ROBO2: variants seen among roughly 807,000 people sequenced by gnomAD.
ROBO2 encodes roundabout guidance receptor 2.
In ROBO2, 53 loss-of-function variants were observed where a neutral mutation model predicts 160.8. That is an observed-to-expected ratio of 0.33 (90% confidence interval 0.26 to 0.41). ROBO2 has a LOEUF of 0.41. Among genes scored for constraint, ROBO2 ranks in the 10% least tolerant of loss-of-function variants. The probability of loss-of-function intolerance (pLI) is 1.00; values close to 1 mark genes in which losing one functional copy is unlikely to be tolerated. For synonymous variants in ROBO2, 664 were observed against 611.7 expected, an observed-to-expected ratio of 1.09 and a Z score of -1.26; for missense variants, 1,577 against 1,722.4, an observed-to-expected ratio of 0.92 and a Z score of 1.49.
chr3:76,269,751 G>A (rs1000025964), intron 2 of ROBO2, among the ~76,000 whole-genome samples: 3 of 151,944 alleles, frequency 2.0e-5, no homozygotes, highest in Admixed American at 6.6e-5. Flanking sequence ...GACCTATTTC[G>A]TATCTCTCGT....
chr3:76,532,805 G>C (rs1314615859), intron 2 of ROBO2, among the ~76,000 whole-genome samples: 1 of 152,174 alleles, frequency 6.6e-6, no homozygotes, highest in African/African-American at 2.4e-5. Flanking sequence ...CTGGAAACCT[G>C]TTCTCATGCT....
intron 2 of ROBO2, among the ~76,000 whole-genome samples, chr3:76,522,256 C>A (rs1334742622): frequency 6.6e-6 from 1 of 152,110 alleles, no homozygotes; most frequent in Non-Finnish European, 1.5e-5. Flanking sequence ...AGAAGTAAAT[C>A]TATTCTCTAC....
intron 5 of ROBO2, among the ~76,000 whole-genome samples, chr3:77,509,199 G>T (rs1014490201): frequency 2.0e-5 from 3 of 152,168 alleles, no homozygotes; most frequent in South Asian, 4.1e-4. Context: ...GCTGATGAAG[G>T]TTGCAAGGGA....
At chr3:76,464,692 C>A (rs2078272469) in intron 2 of ROBO2, among the ~76,000 whole-genome samples, 1 of 152,076 alleles carries the variant, frequency 6.6e-6, no homozygotes, top group South Asian at 2.1e-4. Flanking sequence ...AAACTAATTT[C>A]TCCCTGGAAA....
intron 2 of ROBO2, among the ~76,000 whole-genome samples, chr3:76,522,018 C>T (rs2081647698): frequency 6.6e-6 from 1 of 152,014 alleles, no homozygotes; most frequent in Non-Finnish European, 1.5e-5. Flanking sequence ...TTTTGTTTTT[C>T]AAGAATTTTG....
chr3:76,810,984 T>C (rs2597262), intron 2 of ROBO2, among the ~76,000 whole-genome samples: 21,008 of 152,120 alleles, frequency 0.14, 1,626 homozygotes, highest in East Asian at 0.24. Context: ...TAATCAGTGA[T>C]TTATCAGTTA....
chr3:76,495,746 TGAA>T (rs778865045), intron 2 of ROBO2, among the ~76,000 whole-genome samples: 37 of 152,156 alleles, frequency 2.4e-4, no homozygotes, highest in Non-Finnish European at 4.7e-4. Context: ...TCATACGTAA[TGAA>T]GAACAACTAT....
At chr3:76,218,483 G>A (rs150966382) in intron 2 of ROBO2, among the ~76,000 whole-genome samples, 11,660 of 152,040 alleles carry the variant, frequency 0.077, 623 homozygotes, top group East Asian at 0.22. Flanking sequence ...TACAAAATCA[G>A]TGTGCAAAAA....
At chr3:76,414,717 GTAAC>G (rs2075675362) in intron 2 of ROBO2, among the ~76,000 whole-genome samples, 1 of 149,636 alleles carries the variant, frequency 6.7e-6, no homozygotes, top group African/African-American at 2.5e-5. Context: ...GTATACATAT[GTAAC>G]TAACCTGCAC....
intron 1 of ROBO2, among the ~76,000 whole-genome samples, chr3:77,058,931 T>C (rs969166811): frequency 2.0e-5 from 3 of 152,232 alleles, no homozygotes; most frequent in South Asian, 2.1e-4. Flanking sequence ...TATATATTAA[T>C]TCATTAGAAT....
At chr3:77,096,742 G>T (rs1172777902) in intron 1 of ROBO2, among the ~76,000 whole-genome samples, 1 of 152,092 alleles carries the variant, frequency 6.6e-6, no homozygotes, top group East Asian at 1.9e-4. Flanking sequence ...GAGCCACCGT[G>T]CCCGGCCTCT....
intron 2 of ROBO2, among the ~76,000 whole-genome samples, chr3:76,147,545 C>G (rs1162420260): frequency 1.3e-5 from 2 of 151,890 alleles, no homozygotes; most frequent in Admixed American, 6.6e-5. Context: ...TCTTGTGAAC[C>G]ATTCAGCAAC....
At chr3:76,471,845 AAGG>A (rs1412559964) in intron 2 of ROBO2, among the ~76,000 whole-genome samples, 1 of 152,074 alleles carries the variant, frequency 6.6e-6, no homozygotes, top group South Asian at 2.1e-4. Context: ...TGATGGCAGG[AAGG>A]AGAAGTGCCA....
intron 2 of ROBO2, among the ~76,000 whole-genome samples, chr3:77,180,969 C>T (rs1217018370): frequency 6.6e-6 from 1 of 152,060 alleles, no homozygotes; most frequent in African/African-American, 2.4e-5. Flanking sequence ...AACCTAGCTG[C>T]ATTTAACTTG....
At chr3:75,914,833 A>C (rs1389264304) in intron 1 of ROBO2, among the ~76,000 whole-genome samples, 1 of 152,194 alleles carries the variant, frequency 6.6e-6, no homozygotes, top group Admixed American at 6.5e-5. Flanking sequence ...TCCTCCAGCC[A>C]TGCTATTCCT....
chr3:77,563,225 C>T (rs755025135), exon 11 of ROBO2: 3 of 1,613,522 alleles, frequency 1.9e-6, no homozygotes, highest in Non-Finnish European at 1.7e-6. Flanking sequence ...GGCCACCATC[C>T]AAACCGCAGG....
intron 1 of ROBO2, among the ~76,000 whole-genome samples, chr3:75,911,043 T>G (rs1179934664): frequency 2.6e-5 from 4 of 152,046 alleles, no homozygotes; most frequent in Non-Finnish European, 5.9e-5. Context: ...GCAATTTTTT[T>G]TTTACTGAGT....
rs144178953 is a variant in ROBO2 at position 76,650,322 on chromosome 3, G to C, written c.110-447692G>C. The stretch of plus-strand genomic sequence containing the variant: ...AGAACATTGCATCACTTTGGGAGGA[G>C]ACAGCGTGCCTTCGTTCTTTCCCTT... On this transcript the variant is annotated intron_variant, in intron 2 of 26. Coordinates refer to the ROBO2 transcript ENST00000487694. Among the ~76,000 whole-genome samples the C allele has an allele frequency of 2.8e-3, 430 of 152,192 alleles. 1 individual carries two copies. Among genetic ancestry groups the C allele is most frequent in the African/African-American group, 9.6e-3 (399 of 41,534 alleles).
chr3:77,431,164 G>A (rs971262429), intron 2 of ROBO2, among the ~76,000 whole-genome samples: 7 of 152,162 alleles, frequency 4.6e-5, no homozygotes, highest in Admixed American at 3.3e-4. Context: ...AGTTTCAGCC[G>A]GAGCTGGTTT....
Sources: allele counts gnomAD v4.1 joint callset (sites outside exome capture counted in the v4.1 genomes callset), GRCh38; gene constraint gnomAD v4.1.1; transcripts MANE v1.5; gene names NCBI Gene and HGNC (gene_info 2026-07-23, HGNC 2026-07-21).